UNC5A: variants seen among roughly 807,000 people sequenced by gnomAD.
UNC5A encodes the protein netrin receptor UNC5A.
A neutral mutation model predicts 87.4 loss-of-function variants in UNC5A; 20 were observed. The ratio of observed to expected loss-of-function variants is 0.23; its 90% confidence interval spans 0.16 to 0.33. The LOEUF (loss-of-function observed/expected upper bound fraction) is 0.33, where lower values mean the gene tolerates loss of function less well. Among genes scored for constraint, UNC5A ranks in the 10% least tolerant of loss-of-function variants. UNC5A has a pLI of 1.00. For synonymous variants in UNC5A, 438 were observed against 482.3 expected, an observed-to-expected ratio of 0.91 and a Z score of 1.20; for missense variants, 844 against 1,133.4, an observed-to-expected ratio of 0.74 and a Z score of 3.67.
chr5:176,868,708 C>G, intron 4 of UNC5A, 44 bp downstream of exon 4: 3 of 1,589,034 alleles, frequency 1.9e-6, no homozygotes, highest in Non-Finnish European at 1.7e-6. Flanking sequence ...GGGCTCCTGC[C>G]TGGTCACCCT....
intron 2 of UNC5A, among the ~76,000 whole-genome samples, chr5:176,867,572 G>A (rs1234362497): frequency 6.6e-6 from 1 of 152,200 alleles, no homozygotes; most frequent in African/African-American, 2.4e-5. Flanking sequence ...CCCCATCCCG[G>A]CACGTGGGAA....
At position 176,869,842 on chromosome 5, in the gene UNC5A, C is replaced by T; in HGVS notation, c.722-528C>T. ...CCACGCCATCTCCGTGCCCTGGCTC[C>T]ATCGCGCCCACCAGCCTGCCCCCCC... On this transcript the variant is annotated intron_variant, in intron 5 of 14. Coordinates refer to ENST00000329542, the MANE Select transcript of UNC5A (RefSeq NM_133369.3). This position sits in a 1 kb window ranked among gnomAD's most constrained non-coding sequence, Gnocchi z 9.1. 1 of 575,200 alleles carries T rather than the reference C, an allele frequency of 1.7e-6. No homozygotes were observed. Among genetic ancestry groups the T allele is most frequent in the Non-Finnish European group, 3.1e-6 (1 of 320,458 alleles). The allele number at this position is 575,200 out of a possible 1,614,324, so 35.6% of individuals were successfully genotyped here. A position where few individuals can be genotyped will look rare whatever the true frequency, so the allele number is the denominator to read the frequency against.
In UNC5A at chr5:176,833,184, G is replaced by A. The variant is rs116192759; in HGVS notation, c.70+22364G>A. On this transcript the variant is annotated intron_variant, in intron 1 of 14. Coordinates refer to ENST00000329542, the MANE Select transcript of UNC5A (RefSeq NM_133369.3). ...TTTTACTTTAGGTTCAAGGTGGTGC[G>A]TGTGCAGGATTGTTACATGGGTGCA... Among the ~76,000 whole-genome samples the A allele has an allele frequency of 9.7e-3, 1,483 of 152,268 alleles. 9 individuals are homozygous for A. The highest frequency in any genetic ancestry group is 0.031 in the Middle Eastern group (9 of 294).
At chr5:176,868,726 GC>G in intron 4 of UNC5A, 57 bp from the exon 5 acceptor site, 1 of 1,587,378 alleles carries the variant, frequency 6.3e-7, no homozygotes. Context: ...CCTGGCAGGG[GC>G]CACTCTGGGC....
In UNC5A at chr5:176,866,424, G is replaced by A. The variant is rs1243613784; in HGVS notation, c.293-1706G>A. Reference sequence around the variant, plus strand: ...GAGAGGAGGTGGCAGGACAGAAGGGGAGGGAAGGCAAAGGGAGAAGAAAAG... The same window carrying A: ...GAGAGGAGGTGGCAGGACAGAAGGGAAGGGAAGGCAAAGGGAGAAGAAAAG... On this transcript the variant is annotated intron_variant, in intron 2 of 14. Coordinates refer to ENST00000329542, the MANE Select transcript of UNC5A (RefSeq NM_133369.3). The surrounding 1 kb of genome is among the most constrained non-coding windows in gnomAD (Gnocchi z 5.0). Among the ~76,000 whole-genome samples, 3 of 152,282 alleles carry A rather than the reference G, an allele frequency of 2.0e-5. No homozygotes were observed. Among genetic ancestry groups the A allele is most frequent in the Non-Finnish European group, 4.4e-5 (3 of 68,014 alleles).
Position 176,874,011 on chromosome 5 carries a change from C to T in UNC5A, c.930C>T (p.Ile310=), listed in dbSNP as rs367587241. The T allele has an allele frequency of 7.9e-5, 127 of 1,613,848 alleles. No homozygotes were observed. Among genetic ancestry groups the T allele is most frequent in the Non-Finnish European group, 9.8e-5 (116 of 1,179,970 alleles). Residue 310 remains isoleucine, a synonymous_variant, in exon 7 of 15, where the codon ATC becomes ATT. Transcript: ENST00000329542. The surrounding 1 kb of genome is among the most constrained non-coding windows in gnomAD (Gnocchi z 7.6). ...PEDVALYVGL[I]AVAVCLVLLL... is the part of the protein sequence containing the mutation. ...ACGTGGCCCTCTATGTGGGCCTCAT[C>T]GCCGTGGCCGTCTGCCTGGTCCTGC...
chr5:176,876,543 C>T (rs1315146194), intron 8 of UNC5A, among the ~76,000 whole-genome samples: 1 of 152,156 alleles, frequency 6.6e-6, no homozygotes, highest in African/African-American at 2.4e-5. Flanking sequence ...TGAACCACTC[C>T]CCTCTCCACT....
chr5:176,823,725 G>A (rs1308206810), intron 1 of UNC5A, among the ~76,000 whole-genome samples: 1 of 151,884 alleles, frequency 6.6e-6, no homozygotes, highest in Non-Finnish European at 1.5e-5. Flanking sequence ...GGGGCAGGTG[G>A]CCTCGGTGAG....
intron 3 of UNC5A, 27 bp downstream of exon 3, chr5:176,868,300 A>T (rs762914199): frequency 9.3e-6 from 15 of 1,610,382 alleles, no homozygotes; most frequent in African/African-American, 1.3e-5. Context: ...GCCCTGGGGG[A>T]GGGCGCACGG....
rs1342728113 is a variant in UNC5A, at chr5:176,838,043, C to T, written c.71-24581C>T. 2.0e-5 allele frequency among the ~76,000 whole-genome samples: 3 copies of T among 152,220 alleles called. No individual in the cohort carries two copies. Among genetic ancestry groups the T allele is most frequent in the Non-Finnish European group, 2.9e-5 (2 of 68,040 alleles). On this transcript the variant is annotated intron_variant, in intron 1 of 14. Transcript: ENST00000329542. The surrounding 1 kb of genome is among the most constrained non-coding windows in gnomAD (Gnocchi z 4.2). ...ACTGAACGGAATAGTCAAAAACTTG[C>T]CCTTTGGAGCCTCCATTCTTTGTGG...
chr5:176,818,395 G>A (rs1320789468), intron 1 of UNC5A, among the ~76,000 whole-genome samples: 1 of 152,238 alleles, frequency 6.6e-6, no homozygotes, highest in Non-Finnish European at 1.5e-5. Context: ...TTCTCCTTCT[G>A]CTAAGAGGAG....
At chr5:176,837,475 C>A (rs1757174372) in intron 1 of UNC5A, among the ~76,000 whole-genome samples, 1 of 152,172 alleles carries the variant, frequency 6.6e-6, no homozygotes. Flanking sequence ...GACGTATGAG[C>A]CCTTCAGGGA....
intron 1 of UNC5A, among the ~76,000 whole-genome samples, chr5:176,860,488 CT>C (rs1481180750): frequency 2.6e-5 from 4 of 152,246 alleles, no homozygotes; most frequent in African/African-American, 7.2e-5. Flanking sequence ...GAGCCCACCC[CT>C]GGGTCCCACG....
intron 1 of UNC5A, among the ~76,000 whole-genome samples, chr5:176,846,377 T>G: frequency 2.0e-5 from 3 of 146,354 alleles, no homozygotes; most frequent in Non-Finnish European, 4.5e-5. Context: ...GGGAGCTGAG[T>G]AGGGAGGGGG....
chr5:176,810,915 C>T lies in UNC5A; in HGVS notation c.70+95C>T. 3 of 1,099,996 alleles carry T rather than the reference C, an allele frequency of 2.7e-6. No individual in the cohort carries two copies. Among genetic ancestry groups the T allele is most frequent in the African/African-American group, 3.3e-5 (2 of 60,390 alleles). 68.1% of individuals were successfully genotyped at this position (1,099,996 alleles called of 1,614,324 possible). On this transcript the variant is annotated intron_variant, in intron 1 of 14. Transcript: ENST00000329542. The surrounding 1 kb of genome is among the most constrained non-coding windows in gnomAD (Gnocchi z 7.3). The stretch of plus-strand genomic sequence containing the variant: ...GGGTCCCTGACCAGCGCTGCCAGAC[C>T]CGGCTGGGAGCCCCCCGAGGCCAAA...
At chr5:176,846,718 T>G (rs1471979614) in intron 1 of UNC5A, among the ~76,000 whole-genome samples, 1 of 152,136 alleles carries the variant, frequency 6.6e-6, no homozygotes, top group Non-Finnish European at 1.5e-5. Flanking sequence ...TTCGACCTGC[T>G]TGGTGAATCT....
At chr5:176,843,887 G>A (rs73340093) in intron 1 of UNC5A, among the ~76,000 whole-genome samples, 4,109 of 152,350 alleles carry the variant, frequency 0.027, 175 homozygotes, top group African/African-American at 0.086. Context: ...TGCGGCGCGT[G>A]GGGAGGGCTC....
At chr5:176,870,656 G>A in intron 6 of UNC5A, 122 bp downstream of exon 6, 1 of 1,128,612 alleles carries the variant, frequency 8.9e-7, no homozygotes, top group Non-Finnish European at 1.2e-6. Context: ...CCAGGCTCAG[G>A]ACCCACTGAG....
intron 1 of UNC5A, among the ~76,000 whole-genome samples, chr5:176,820,061 G>A (rs1304084228): frequency 6.6e-6 from 1 of 152,190 alleles, no homozygotes; most frequent in East Asian, 1.9e-4. Flanking sequence ...AGGAGATCGA[G>A]ACCATCCTGG....
Sources: gnomAD v4.1 joint callset for allele counts (sites outside exome capture counted in the v4.1 genomes callset) on GRCh38, gnomAD v4.1.1 for gene constraint, Gnocchi (gnomAD v3.1) non-coding constraint, MANE v1.5 for transcripts, NCBI Gene and HGNC (gene_info 2026-07-23, HGNC 2026-07-21) for gene names.